Variants in PCDH15 observed in about 807,000 individuals in gnomAD.
PCDH15 encodes protocadherin-15.
Under a neutral mutation model 178.5 loss-of-function variants are expected in PCDH15, and 129 were observed. That is an observed-to-expected ratio of 0.72 (90% CI 0.63 to 0.84). PCDH15 has a LOEUF of 0.84. Ranked by LOEUF, PCDH15 falls within the 40% of genes least tolerant of loss-of-function variation. PCDH15 has a pLI of 0.00. For synonymous variants in PCDH15, 800 were observed against 732.0 expected (o/e 1.09, Z -1.50); for missense variants, 2,230 against 2,099.9 (o/e 1.06, Z -1.21).
chr10:53,892,103 C>A (rs1167540632), intron 26 of PCDH15, among the ~76,000 whole-genome samples: 1 of 146,788 alleles, frequency 6.8e-6, no homozygotes, highest in African/African-American at 2.5e-5. Flanking sequence ...TGGCTCACTG[C>A]AACCTCAGAC....
chr10:54,723,520 A>T (rs1941991326), intron 1 of PCDH15, among the ~76,000 whole-genome samples: 1 of 151,732 alleles, frequency 6.6e-6, no homozygotes, highest in Non-Finnish European at 1.5e-5. Context: ...CTGAAAGTAA[A>T]TGCAACAAAA....
intron 3 of PCDH15, among the ~76,000 whole-genome samples, chr10:54,506,858 A>G (rs1286082978): frequency 6.6e-6 from 1 of 152,080 alleles, no homozygotes; most frequent in Non-Finnish European, 1.5e-5. Context: ...TGAAGGTACC[A>G]GGACAGAATA....
chr10:54,040,245 T>A (rs2093513473), intron 18 of PCDH15, among the ~76,000 whole-genome samples: 2 of 151,892 alleles, frequency 1.3e-5, no homozygotes, highest in Non-Finnish European at 2.9e-5. Flanking sequence ...CTAATTCCCA[T>A]GTGTTGTGGG....
At chr10:55,593,947 T>C (rs1359590464) in intron 2 of PCDH15, among the ~76,000 whole-genome samples, 1 of 151,876 alleles carries the variant, frequency 6.6e-6, no homozygotes, top group Non-Finnish European at 1.5e-5. Flanking sequence ...GTATTTAGTA[T>C]TAATTGAAGG....
intron 10 of PCDH15, among the ~76,000 whole-genome samples, chr10:54,200,646 A>G (rs2050140878): frequency 6.6e-6 from 1 of 152,086 alleles, no homozygotes; most frequent in East Asian, 1.9e-4. Context: ...TAAAAGCAAT[A>G]TTTATTTTCA....
chr10:54,100,289 C>T (rs534627433), intron 15 of PCDH15, among the ~76,000 whole-genome samples: 40 of 151,462 alleles, frequency 2.6e-4, no homozygotes, highest in Non-Finnish European at 4.3e-4. Flanking sequence ...CGCTTGAACC[C>T]GGGAGGCAGA....
At chr10:55,535,148 C>A (rs191408023) in intron 2 of PCDH15, among the ~76,000 whole-genome samples, 1 of 151,866 alleles carries the variant, frequency 6.6e-6, no homozygotes, top group East Asian at 1.9e-4. Flanking sequence ...TAAATCTGCA[C>A]ATGTATCTCC....
At chr10:55,028,805 T>A (rs1045059574) in intron 2 of PCDH15, among the ~76,000 whole-genome samples, 1 of 151,998 alleles carries the variant, frequency 6.6e-6, no homozygotes, top group African/African-American at 2.4e-5. Flanking sequence ...CTTTTAAAGA[T>A]CGTACATGTT....
intron 2 of PCDH15, among the ~76,000 whole-genome samples, chr10:55,154,103 C>T (rs984653054): frequency 3.3e-5 from 5 of 152,196 alleles, no homozygotes; most frequent in African/African-American, 7.2e-5. Context: ...TCTGGCAGAA[C>T]ATTGAAGTAC....
At chr10:55,492,815 G>C (rs2132129865) in intron 2 of PCDH15, among the ~76,000 whole-genome samples, 1 of 151,774 alleles carries the variant, frequency 6.6e-6, no homozygotes, top group African/African-American at 2.4e-5. Flanking sequence ...GAGAAGTAAA[G>C]GAAGACTTGA....
At chr10:54,127,983 G>A (rs1187024283) in intron 15 of PCDH15, among the ~76,000 whole-genome samples, 2 of 152,122 alleles carry the variant, frequency 1.3e-5, no homozygotes, top group Admixed American at 6.6e-5. Flanking sequence ...GGAACAGGGT[G>A]GGTGGATGTG....
At chr10:53,945,597 T>C (rs1176188742) in intron 23 of PCDH15, among the ~76,000 whole-genome samples, 1 of 151,944 alleles carries the variant, frequency 6.6e-6, no homozygotes, top group Non-Finnish European at 1.5e-5. Flanking sequence ...ACCATTTTTT[T>C]ACGCTCTACT....
intron 22 of PCDH15, 133 bp downstream of exon 22, chr10:53,961,617 GAA>G: frequency 1.7e-6 from 1 of 603,304 alleles, no homozygotes; most frequent in Non-Finnish European, 2.5e-6. Context: ...GTTTCTAAGA[GAA>G]AAAAAAATTG....
chr10:54,559,863 A>AAAG (rs1555057136), intron 2 of PCDH15, among the ~76,000 whole-genome samples: 5 of 112,944 alleles, frequency 4.4e-5, no homozygotes, highest in Non-Finnish European at 8.3e-5. Flanking sequence ...AAAAAAAAAA[A>AAAG]AAAAAAAAAA....
At chr10:55,429,254 A>G (rs1006787347) in intron 2 of PCDH15, among the ~76,000 whole-genome samples, 1 of 152,226 alleles carries the variant, frequency 6.6e-6, no homozygotes, top group South Asian at 2.1e-4. Context: ...CACTTCTTAT[A>G]AGATGGATTT....
At chr10:54,324,169 G>A (rs980172014) in intron 7 of PCDH15, among the ~76,000 whole-genome samples, 7 of 152,064 alleles carry the variant, frequency 4.6e-5, no homozygotes, top group African/African-American at 1.7e-4. Context: ...GGGAAGGTCA[G>A]GGTAGAGGTT....
At chr10:54,297,409 G>T (rs1287818146) in intron 8 of PCDH15, among the ~76,000 whole-genome samples, 1 of 152,128 alleles carries the variant, frequency 6.6e-6, no homozygotes, top group Admixed American at 6.5e-5. Flanking sequence ...CCTGCAGCTT[G>T]ACTTTTTCTG....
intron 14 of PCDH15, among the ~76,000 whole-genome samples, chr10:54,139,534 T>G (rs986718924): frequency 7.9e-5 from 12 of 152,134 alleles, no homozygotes; most frequent in African/African-American, 2.7e-4. Flanking sequence ...GAAACATATT[T>G]CTAAAAATTG....
chr10:55,390,655 A>G (rs138694989), intron 2 of PCDH15, among the ~76,000 whole-genome samples: 50 of 152,324 alleles, frequency 3.3e-4, no homozygotes, highest in African/African-American at 1.2e-3. Context: ...TATAAAATGC[A>G]TTTCTAAAAT....
Sources: allele counts gnomAD v4.1 joint callset (sites outside exome capture counted in the v4.1 genomes callset), GRCh38; gene constraint gnomAD v4.1.1; transcripts MANE v1.5; gene names NCBI Gene and HGNC (gene_info 2026-07-23, HGNC 2026-07-21).